The following GRID2 variants were observed in gnomAD, a reference collection of about 807,000 sequenced individuals.
The protein encoded by GRID2 is glutamate receptor ionotropic, delta-2.
GRID2 carries 33 observed loss-of-function variants against 114.8 expected under a neutral mutation model. The ratio of observed to expected loss-of-function variants is 0.29; its 90% CI spans 0.22 to 0.38. The LOEUF (loss-of-function observed/expected upper bound fraction) is 0.38, where lower values mean the gene tolerates loss of function less well. Ranked by LOEUF, GRID2 falls within the 10% of genes least tolerant of loss-of-function variation. The probability of loss-of-function intolerance (pLI) is 1.00; values close to 1 mark genes in which losing one functional copy is unlikely to be tolerated. For missense variants in GRID2, 1,184 were observed against 1,257.7 expected (o/e 0.94, Z 0.89); for synonymous variants, 505 against 449.9 (o/e 1.12, Z -1.55).
At chr4:93,204,242 CA>C (rs1742425172) in intron 4 of GRID2, among the ~76,000 whole-genome samples, 1 of 151,948 alleles carries the variant, frequency 6.6e-6, no homozygotes, top group African/African-American at 2.4e-5. Context: ...ATAGTTGGTC[CA>C]ATAGAACTCG....
intron 1 of GRID2, among the ~76,000 whole-genome samples, chr4:92,437,921 G>C (rs1242574590): frequency 6.6e-6 from 1 of 152,130 alleles, no homozygotes; most frequent in Non-Finnish European, 1.5e-5. Flanking sequence ...GATCCATACA[G>C]TCTTTCTTTG....
At chr4:93,677,234 C>A (rs1418389447) in intron 14 of GRID2, among the ~76,000 whole-genome samples, 1 of 152,202 alleles carries the variant, frequency 6.6e-6, no homozygotes, top group African/African-American at 2.4e-5. Context: ...GGAGGGGCGC[C>A]CGCCATTGCC....
chr4:92,399,852 A>G (rs192660059), intron 1 of GRID2, among the ~76,000 whole-genome samples: 1 of 152,278 alleles, frequency 6.6e-6, no homozygotes, highest in Admixed American at 6.5e-5. Context: ...GAATAAATAC[A>G]TAGTTACAGA....
intron 1 of GRID2, among the ~76,000 whole-genome samples, chr4:92,501,617 C>T (rs899218511): frequency 6.6e-6 from 1 of 152,082 alleles, no homozygotes; most frequent in Non-Finnish European, 1.5e-5. Flanking sequence ...CTCTCTGATG[C>T]AGGTATCACT....
intron 2 of GRID2, among the ~76,000 whole-genome samples, chr4:92,662,256 T>G (rs1421599899): frequency 6.6e-6 from 1 of 151,016 alleles, no homozygotes; most frequent in Non-Finnish European, 1.5e-5. Context: ...AAATTGAATC[T>G]TATACATTGC....
intron 2 of GRID2, among the ~76,000 whole-genome samples, chr4:92,748,461 A>C (rs1001581520): frequency 1.3e-5 from 2 of 151,702 alleles, no homozygotes; most frequent in Admixed American, 6.6e-5. Flanking sequence ...CAGCAACTCT[A>C]CCCTCTTCCT....
intron 7 of GRID2, among the ~76,000 whole-genome samples, chr4:93,227,204 T>G (rs2149495212): frequency 6.6e-6 from 1 of 152,252 alleles, no homozygotes; most frequent in African/African-American, 2.4e-5. Context: ...CAAATAGTAC[T>G]TGACTGCACC....
chr4:93,046,747 C>T (rs968822108), intron 2 of GRID2, among the ~76,000 whole-genome samples: 14 of 151,886 alleles, frequency 9.2e-5, no homozygotes, highest in Non-Finnish European at 2.1e-4. Flanking sequence ...CATTTTCATA[C>T]TAAGTTGCCA....
At chr4:93,004,940 T>C (rs970734948) in intron 2 of GRID2, among the ~76,000 whole-genome samples, 2 of 152,072 alleles carry the variant, frequency 1.3e-5, no homozygotes, top group African/African-American at 2.4e-5. Flanking sequence ...TCTTTGTCTT[T>C]GTTTTTTCTG....
At chr4:93,185,605 T>C (rs980676956) in intron 4 of GRID2, among the ~76,000 whole-genome samples, 1 of 152,202 alleles carries the variant, frequency 6.6e-6, no homozygotes, top group Admixed American at 6.5e-5. Flanking sequence ...AAATGGACTT[T>C]AAAACTGTAG....
intron 14 of GRID2, among the ~76,000 whole-genome samples, chr4:93,733,292 A>G (rs1042651362): frequency 1.3e-5 from 2 of 152,126 alleles, no homozygotes; most frequent in African/African-American, 4.8e-5. Context: ...GAGAATTAGC[A>G]TATGGACTTT....
chr4:93,580,456 A>T (rs998753191), intron 13 of GRID2, among the ~76,000 whole-genome samples: 1 of 152,206 alleles, frequency 6.6e-6, no homozygotes, highest in Non-Finnish European at 1.5e-5. Flanking sequence ...TCAGGCTTGT[A>T]GTTCAGCCAC....
chr4:92,358,439 G>A (rs1051318044), intron 1 of GRID2, among the ~76,000 whole-genome samples: 1 of 151,688 alleles, frequency 6.6e-6, no homozygotes, highest in Non-Finnish European at 1.5e-5. Context: ...AACTCACTTG[G>A]GAAAAGAATA....
chr4:93,333,697 A>G (rs1254392856), intron 8 of GRID2, among the ~76,000 whole-genome samples: 1 of 152,166 alleles, frequency 6.6e-6, no homozygotes, highest in Non-Finnish European at 1.5e-5. Flanking sequence ...TATCTTTCAG[A>G]CTTAACTTAG....
intron 2 of GRID2, among the ~76,000 whole-genome samples, chr4:92,752,229 A>G (rs917345822): frequency 6.6e-6 from 1 of 152,228 alleles, no homozygotes; most frequent in Non-Finnish European, 1.5e-5. Flanking sequence ...GTCAAGCCTT[A>G]TAGCTTTCCA....
intron 12 of GRID2, among the ~76,000 whole-genome samples, chr4:93,505,971 T>G (rs140586305): frequency 1.2e-4 from 19 of 152,276 alleles, no homozygotes; most frequent in Admixed American, 3.9e-4. Flanking sequence ...ACAGAGAGTT[T>G]AACAATCATT....
intron 8 of GRID2, among the ~76,000 whole-genome samples, chr4:93,308,286 C>A (rs1018054937): frequency 2.0e-5 from 3 of 152,088 alleles, no homozygotes; most frequent in African/African-American, 7.2e-5. Flanking sequence ...ATTGTTTCAC[C>A]TAAGCTGTGT....
chr4:93,457,306 G>C (rs1723300524), intron 11 of GRID2, among the ~76,000 whole-genome samples: 1 of 152,028 alleles, frequency 6.6e-6, no homozygotes, highest in African/African-American at 2.4e-5. Flanking sequence ...AGTGCTTCTT[G>C]AGGAAGATGA....
At chr4:92,317,914 T>G (rs1385269679) in intron 1 of GRID2, among the ~76,000 whole-genome samples, 4 of 152,158 alleles carry the variant, frequency 2.6e-5, no homozygotes, top group African/African-American at 9.7e-5. Flanking sequence ...TTGCATCATA[T>G]TTATGGTGAT....
Sources: gnomAD v4.1 joint callset for allele counts (sites outside exome capture counted in the v4.1 genomes callset) on GRCh38, gnomAD v4.1.1 for gene constraint, MANE v1.5 for transcripts, NCBI Gene and HGNC (gene_info 2026-07-23, HGNC 2026-07-21) for gene names.